The following ZNF616 variants were observed in gnomAD, a reference collection of about 807,000 sequenced individuals.
ZNF616 encodes zinc finger protein 616.
ZNF616 carries 5 observed loss-of-function variants against 7.6 expected under a neutral mutation model. That is an observed-to-expected ratio of 0.66 (90% CI 0.34 to 1.38). The LOEUF is 1.38. ZNF616 is among the 40% of genes most tolerant of loss of function. ZNF616 has a pLI of 0.04. For synonymous variants in ZNF616, 319 were observed against 317.2 expected (o/e 1.01, Z -0.06); for missense variants, 913 against 948.3 (o/e 0.96, Z 0.49).
intron 1 of ZNF616, among the ~76,000 whole-genome samples, chr19:52,135,424 ACT>A (rs1380174321): frequency 2.6e-5 from 4 of 152,088 alleles, no homozygotes; most frequent in South Asian, 4.1e-4. Flanking sequence ...TTCCAAGGAA[ACT>A]CTCCATATTG....
chr19:52,114,861 G>A lies in ZNF616; in HGVS notation c.2303C>T (p.Thr768Ile), dbSNP rs1385471458. The change falls in exon 4 of 4, where the codon ACT becomes ATT. Residue 768 changes from threonine (T) to isoleucine (I), a missense_variant. Physicochemically the swap from Thr to Ile is moderately conservative, Grantham distance 89 (BLOSUM62 -1). Coordinates refer to ENST00000600228, the MANE Select transcript of ZNF616 (RefSeq NM_178523.5). ...SGLTKHRIRHTGESLTTKLNV... is the reference protein window; with the variant it reads ...SGLTKHRIRHIGESLTTKLNV... ...GAGTTTAGTTGTAAGGCTCTCTCCA[G>A]TATGTCTTATTCGATGTTTAGTGAG... 1 of 1,607,844 alleles carries A rather than the reference G, an allele frequency of 6.2e-7. No individual in the cohort carries two copies. The highest frequency in any genetic ancestry group is 8.5e-7 in the Non-Finnish European group (1 of 1,176,918).
intron 1 of ZNF616, among the ~76,000 whole-genome samples, chr19:52,133,444 C>T (rs1241246817): frequency 7.2e-5 from 11 of 152,066 alleles, no homozygotes; most frequent in Non-Finnish European, 1.3e-4. Context: ...CAGGGGTACA[C>T]GTGCAGGAGG....
chr19:52,138,516 GCT>G (rs2089032556), intron 1 of ZNF616: 1 of 152,176 alleles, frequency 6.6e-6, no homozygotes, highest in Non-Finnish European at 1.5e-5. Flanking sequence ...TGTGTTTCCC[GCT>G]CTCATTCTGC....
Position 52,130,535 on chromosome 19 carries a change from T to C in ZNF616, c.-23A>G. 6.2e-7 allele frequency: 1 copy of C among 1,603,710 alleles called. No homozygotes were observed. Among genetic ancestry groups the C allele is most frequent in the Non-Finnish European group, 8.5e-7 (1 of 1,176,162 alleles). On this transcript the variant is annotated 5_prime_UTR_variant, in exon 2 of 4. Coordinates refer to ENST00000600228, the MANE Select transcript of ZNF616 (RefSeq NM_178523.5). Reference sequence around the variant, plus strand: ...CATCACTGACTCCTTTTCCTTCCTCTTCTTCCTCTTCTGGGTTTCTTTCTC... The same window carrying C: ...CATCACTGACTCCTTTTCCTTCCTCCTCTTCCTCTTCTGGGTTTCTTTCTC...
At position 52,116,520 on chromosome 19, in the gene ZNF616, C is replaced by T; in HGVS notation, c.644G>A (p.Cys215Tyr). ...RIHTTEKPYK[C>Y]NECGKAFHRA... ...ATGAAAGGCTTTGCCACACTCATTG[C>T]ATTTGTAAGGTTTCTCTGTAGTATG... is the stretch of plus-strand genomic sequence containing the variant. The change falls in exon 4 of 4, where the codon TGC becomes TAC. Residue 215 changes from cysteine (C) to tyrosine (Y), a missense_variant. By Grantham distance (194) the Cys-to-Tyr change is radical. Transcript: ENST00000600228. 6.2e-7 allele frequency: 1 copy of T among 1,614,128 alleles called. No individual in the cohort carries two copies. The highest frequency in any genetic ancestry group is 8.5e-7 in the Non-Finnish European group (1 of 1,180,016).
At chr19:52,130,467 A>T in intron 2 of ZNF616, 34 bp downstream of exon 2, 1 of 1,574,890 alleles carries the variant, frequency 6.3e-7, no homozygotes, top group Admixed American at 1.7e-5. Flanking sequence ...ACCCACCAAG[A>T]ATATCACTTC....
intron 1 of ZNF616, chr19:52,138,531 G>A (rs2089032654): frequency 6.6e-6 from 1 of 152,216 alleles, no homozygotes; most frequent in South Asian, 2.1e-4. Flanking sequence ...CATTCTGCAC[G>A]TCTTTTTTCC....
At chr19:52,118,441 T>G (rs932881709) in intron 3 of ZNF616, among the ~76,000 whole-genome samples, 9 of 152,252 alleles carry the variant, frequency 5.9e-5, no homozygotes, top group African/African-American at 1.9e-4. Flanking sequence ...AATTCCTATG[T>G]TGAGGACCCA....
At position 52,115,405 on chromosome 19, in the gene ZNF616, T is replaced by C; in HGVS notation, c.1759A>G (p.Ser587Gly). 2 of 1,614,178 alleles carry C rather than the reference T, an allele frequency of 1.2e-6. No individual in the cohort carries two copies. Among genetic ancestry groups the C allele is most frequent in the Non-Finnish European group, 1.7e-6 (2 of 1,180,036 alleles). Reference protein sequence around the residue: ...YKCNECGKVYSQYSHLVGHRR... With the variant: ...YKCNECGKVYGQYSHLVGHRR... ...TGCCCTACAAGATGTGAATACTGAC[T>C]GTAGACCTTGCCGCATTCATTGCAT... Residue 587 changes from serine to glycine, a missense_variant, in exon 4 of 4, where the codon AGT becomes GGT. Physicochemically the swap from Ser to Gly is moderately conservative, Grantham distance 56 (BLOSUM62 0). Transcript: ENST00000600228.
At chr19:52,122,305 G>C (rs1047544148) in intron 3 of ZNF616, 1 of 152,074 alleles carries the variant, frequency 6.6e-6, no homozygotes, top group Non-Finnish European at 1.5e-5. Flanking sequence ...GACCAATATG[G>C]AGAAACCCCA....
In ZNF616 at chr19:52,117,005, C is replaced by G. The variant is rs115808534; in HGVS notation, c.159G>C (p.Val53=). The G allele has an allele frequency of 2.0e-5, 32 of 1,583,872 alleles. No homozygotes were observed. The highest frequency in any genetic ancestry group is 2.5e-5 in the Non-Finnish European group (29 of 1,169,438). Residue 53 remains valine, a synonymous_variant, in exon 4 of 4, where the codon GTG becomes GTC. Transcript: ENST00000600228. ...TCTCTGTTGGTGGTAATTCCTTGAT[C>G]ACACATTTAGGAGAGATACCTGCAA... ...LVFLGISPKC[V]IKELPPTENS...
Position 52,114,884 on chromosome 19 carries a change from G to C in ZNF616, c.2280C>G (p.Leu760=). Residue 760 remains leucine, a synonymous_variant, in exon 4 of 4, where the codon CTC becomes CTG. Transcript: ENST00000600228. ...CAGTATGTCTTATTCGATGTTTAGT[G>C]AGGCCTGAGCGACAAATAAAAGATT... ...CGKSFICRSG[L]TKHRIRHTGE... is the part of the protein sequence containing the mutation. 1 of 1,612,986 alleles carries C rather than the reference G, an allele frequency of 6.2e-7. No individual in the cohort carries two copies.
rs73571266 is a variant in ZNF616, at chr19:52,114,229, C to G, written c.*589G>C. 6.6e-6 allele frequency: 1 copy of G among 152,032 alleles called. No individual in the cohort carries two copies. Among genetic ancestry groups the G allele is most frequent in the African/African-American group, 2.4e-5 (1 of 41,376 alleles). 9.4% of individuals were successfully genotyped at this position (152,032 alleles called of 1,614,324 possible). A position where few individuals can be genotyped will look rare whatever the true frequency, so the allele number is the denominator to read the frequency against. ...GCTTTTGAGTAGAATTCTTGCCACA[C>G]GTATTACACTTCTGTGATTTTTCTC... On this transcript the variant is annotated 3_prime_UTR_variant, in exon 4 of 4. Coordinates refer to ENST00000600228, the MANE Select transcript of ZNF616 (RefSeq NM_178523.5).
In ZNF616 at chr19:52,115,231, G is replaced by A. The variant is rs145074631; in HGVS notation, c.1933C>T (p.Arg645Cys). The A allele has an allele frequency of 1.2e-4, 191 of 1,614,134 alleles. No homozygotes were observed. The highest frequency in any genetic ancestry group is 1.7e-4 in the Middle Eastern group (1 of 6,052). Residue 645 changes from arginine to cysteine, a missense_variant, in exon 4 of 4, where the codon CGT becomes TGT. Coordinates refer to ENST00000600228, the MANE Select transcript of ZNF616 (RefSeq NM_178523.5). ...GTCTGATGAAGTCTAAGATGGACAC[G>A]CTGACTAAAGGAATTCCCACACTGA... is the stretch of plus-strand genomic sequence containing the variant. Reference protein sequence around the residue: ...CNQCGNSFSQRVHLRLHQTVH... With the variant: ...CNQCGNSFSQCVHLRLHQTVH...
rs138112562 is a variant in ZNF616 at position 52,139,754 on chromosome 19, G to A, written c.-99C>T. The A allele has an allele frequency of 1.4e-4, 22 of 152,470 alleles. No individual in the cohort carries two copies. The highest frequency in any genetic ancestry group is 4.3e-4 in the African/African-American group (18 of 41,582). The allele number at this position is 152,470 out of a possible 1,614,324, so 9.4% of individuals were successfully genotyped here. On this transcript the variant is annotated 5_prime_UTR_variant, in exon 1 of 4. Coordinates refer to ENST00000600228, the MANE Select transcript of ZNF616 (RefSeq NM_178523.5). The surrounding 1 kb of genome is among the most constrained non-coding windows in gnomAD (Gnocchi z 4.1). ...TACGTGGGGAGAAGTGCCTGTTGCAGGGGCGAAGGGGCTATGGGTATTTTA... is the reference window on the plus strand; with the variant it reads ...TACGTGGGGAGAAGTGCCTGTTGCAAGGGCGAAGGGGCTATGGGTATTTTA...
In ZNF616 at chr19:52,116,174, A is replaced by C. The variant is rs554356975; in HGVS notation, c.990T>G (p.Cys330Trp). The change falls in exon 4 of 4, where the codon TGT becomes TGG. Residue 330 changes from cysteine to tryptophan, a missense_variant. Transcript: ENST00000600228. ...TGERPFKCNE[C>W]GKTFKRSSNL... is the part of the protein sequence containing the mutation. ...TTGAGCTCCGTTTAAAGGTTTTGCCACACTCATTACATTTGAAGGGTCTCT... is the reference window on the plus strand; with the variant it reads ...TTGAGCTCCGTTTAAAGGTTTTGCCCCACTCATTACATTTGAAGGGTCTCT... 1 of 1,614,196 alleles carries C rather than the reference A, an allele frequency of 6.2e-7. No homozygotes were observed. Among genetic ancestry groups the C allele is most frequent in the African/African-American group, 1.3e-5 (1 of 75,050 alleles).
chr19:52,125,210 A>C (rs1287538247), intron 2 of ZNF616, among the ~76,000 whole-genome samples: 1 of 152,138 alleles, frequency 6.6e-6, no homozygotes, highest in East Asian at 1.9e-4. Context: ...TTCTACTACC[A>C]ATTCAAAAGT....
rs2088914802 is a variant in ZNF616, at chr19:52,127,044, C to A, written c.13-2995G>T. Among the ~76,000 whole-genome samples, 2 of 151,506 alleles carry A rather than the reference C, an allele frequency of 1.3e-5. 1 individual carries two copies. The highest frequency in any genetic ancestry group is 4.2e-4 in the South Asian group (2 of 4,806). On this transcript the variant is annotated intron_variant, in intron 2 of 3. Coordinates refer to ENST00000600228, the MANE Select transcript of ZNF616 (RefSeq NM_178523.5). The stretch of plus-strand genomic sequence containing the variant: ...AAATTCAGAGCCATGAAAACACAAA[C>A]AAAATATGTGGGAATTTTTTTTTTT...
intron 1 of ZNF616, among the ~76,000 whole-genome samples, chr19:52,137,385 T>A (rs2089021425): frequency 6.6e-6 from 1 of 152,036 alleles, no homozygotes; most frequent in Admixed American, 6.6e-5. Context: ...ATCACACCAC[T>A]GCACTCTAGC....
Sources: gnomAD v4.1 joint callset for allele counts (sites outside exome capture counted in the v4.1 genomes callset) on GRCh38, gnomAD v4.1.1 for gene constraint, Gnocchi (gnomAD v3.1) non-coding constraint, MANE v1.5 for transcripts, NCBI Gene and HGNC (gene_info 2026-07-23, HGNC 2026-07-21) for gene names.